The following NEGR1 variants were observed in gnomAD, a reference collection of about 807,000 sequenced individuals.
The protein encoded by NEGR1 is IgLON family member 4.
NEGR1 carries 10 observed loss-of-function variants against 40.9 expected under a neutral mutation model. The observed-to-expected ratio is 0.24, with a 90% CI of 0.15 to 0.42. The LOEUF (loss-of-function observed/expected upper bound fraction) is 0.42. Among genes scored for constraint, NEGR1 ranks in the 10% least tolerant of loss-of-function variants. The probability of loss-of-function intolerance (pLI) is 1.00; values close to 1 mark genes in which losing one functional copy is unlikely to be tolerated. For synonymous variants in NEGR1, 185 were observed against 166.8 expected, an observed-to-expected ratio of 1.11 and a Z score of -0.84; for missense variants, 352 against 438.9, an observed-to-expected ratio of 0.80 and a Z score of 1.77.
rs531230728 is a variant in NEGR1 at position 72,080,347 on chromosome 1, T to A, written c.177-145036A>T. Among the ~76,000 whole-genome samples, 46 of 152,220 alleles carry A rather than the reference T, an allele frequency of 3.0e-4. 1 individual carries two copies. The highest frequency in any genetic ancestry group is 1.1e-3 in the African/African-American group (46 of 41,570). ...TTTCTTACTGAGACAAAAGTCTCAT[T>A]CCAGAAATATATCTTCCAGATTTAT... On this transcript the variant is annotated intron_variant, in intron 1 of 6. Coordinates refer to ENST00000357731, the MANE Select transcript of NEGR1 (RefSeq NM_173808.3).
intron 6 of NEGR1, among the ~76,000 whole-genome samples, chr1:71,562,950 A>G (rs1648506483): frequency 6.6e-6 from 1 of 151,928 alleles, no homozygotes; most frequent in African/African-American, 2.4e-5. Flanking sequence ...AGCCTGTGCT[A>G]AGATGTGGTG....
At position 72,246,797 on chromosome 1, in the gene NEGR1, G is replaced by A. The variant is rs993458773; in HGVS notation, c.176+35522C>T. Among the ~76,000 whole-genome samples the A allele has an allele frequency of 1.3e-5, 2 of 152,188 alleles. 1 individual carries two copies. On this transcript the variant is annotated intron_variant, in intron 1 of 6. Coordinates refer to ENST00000357731, the MANE Select transcript of NEGR1 (RefSeq NM_173808.3). ...TTTCCCCTTGGCACTGCCCTAGTAC[G>A]CAGCCATCTATGAGGGCTCTGCCCT...
chr1:72,082,485 A>C (rs76659233), intron 1 of NEGR1, among the ~76,000 whole-genome samples: 2,334 of 152,236 alleles, frequency 0.015, 58 homozygotes, highest in African/African-American at 0.053. Flanking sequence ...TTTCTTCAAC[A>C]ACAATGCCAT....
At chr1:71,816,770 C>A (rs1658232417) in intron 2 of NEGR1, among the ~76,000 whole-genome samples, 1 of 151,956 alleles carries the variant, frequency 6.6e-6, no homozygotes, top group Admixed American at 6.6e-5. Context: ...CATCTGTGCC[C>A]ACACTCTCTG....
chr1:72,080,746 T>C (rs1216548691), intron 1 of NEGR1, among the ~76,000 whole-genome samples: 2 of 152,210 alleles, frequency 1.3e-5, no homozygotes, highest in East Asian at 3.9e-4. Context: ...CTCATAGGGT[T>C]GTTGGAAGCT....
chr1:72,202,301 A>G (rs912840822), intron 1 of NEGR1, among the ~76,000 whole-genome samples: 3 of 151,878 alleles, frequency 2.0e-5, no homozygotes, highest in African/African-American at 7.2e-5. Context: ...CTGAGACACA[A>G]CAATATTAAA....
chr1:71,739,105 A>G (rs1655127790), intron 3 of NEGR1, among the ~76,000 whole-genome samples: 1 of 149,794 alleles, frequency 6.7e-6, no homozygotes, highest in African/African-American at 2.5e-5. Context: ...GGAAATTAAC[A>G]TTTGAGTCAG....
intron 2 of NEGR1, among the ~76,000 whole-genome samples, chr1:71,932,839 T>C (rs896119062): frequency 1.1e-4 from 17 of 152,176 alleles, no homozygotes; most frequent in South Asian, 4.1e-4. Context: ...GGTGTACACA[T>C]CAGTTTACTT....
intron 6 of NEGR1, among the ~76,000 whole-genome samples, chr1:71,555,937 T>C (rs983094281): frequency 6.6e-6 from 1 of 151,520 alleles, no homozygotes; most frequent in Non-Finnish European, 1.5e-5. Context: ...TGTTTGGTAA[T>C]GCTATTACAT....
At chr1:72,178,996 G>C (rs1210059855) in intron 1 of NEGR1, among the ~76,000 whole-genome samples, 1 of 151,718 alleles carries the variant, frequency 6.6e-6, no homozygotes, top group Non-Finnish European at 1.5e-5. Flanking sequence ...CATTCTATAG[G>C]TTGTCTGTTT....
chr1:71,501,380 C>T (rs562632262), intron 6 of NEGR1, among the ~76,000 whole-genome samples: 2 of 152,038 alleles, frequency 1.3e-5, no homozygotes, highest in African/African-American at 4.8e-5. Flanking sequence ...AAGATAATTT[C>T]TAAATACAAT....
At chr1:72,068,846 T>C (rs995728412) in intron 1 of NEGR1, among the ~76,000 whole-genome samples, 4 of 152,134 alleles carry the variant, frequency 2.6e-5, no homozygotes, top group Admixed American at 2.6e-4. Flanking sequence ...AAGGATATAG[T>C]AGCAGCTAAA....
chr1:72,108,025 G>T (rs1649204442), intron 1 of NEGR1, among the ~76,000 whole-genome samples: 1 of 151,490 alleles, frequency 6.6e-6, no homozygotes, highest in Non-Finnish European at 1.5e-5. Context: ...GTTTTCTAAA[G>T]AGTATAATCT....
At chr1:71,698,175 G>A (rs536071086) in intron 3 of NEGR1, 36 bp from the exon 4 acceptor site, 32 of 1,583,280 alleles carry the variant, frequency 2.0e-5, no homozygotes, top group Admixed American at 1.1e-4. Flanking sequence ...AATTGTAGCC[G>A]CCTGAGGCTT....
chr1:72,155,963 A>T (rs1293931288), intron 1 of NEGR1, among the ~76,000 whole-genome samples: 1 of 152,110 alleles, frequency 6.6e-6, no homozygotes, highest in Non-Finnish European at 1.5e-5. Flanking sequence ...TTATCCAAGA[A>T]ACAGGGTGGT....
chr1:71,799,409 G>A (rs1333434880), intron 2 of NEGR1, among the ~76,000 whole-genome samples: 18 of 152,156 alleles, frequency 1.2e-4, no homozygotes, highest in Non-Finnish European at 1.5e-5. Context: ...ATTTCATGGT[G>A]TATACGTGCC....
At chr1:71,864,105 T>C (rs1660041403) in intron 2 of NEGR1, among the ~76,000 whole-genome samples, 1 of 152,190 alleles carries the variant, frequency 6.6e-6, no homozygotes, top group Non-Finnish European at 1.5e-5. Flanking sequence ...TTAGAGATGA[T>C]GGGAAGTACT....
chr1:72,143,914 A>AATATATATATATATAT (rs61582804), intron 1 of NEGR1, among the ~76,000 whole-genome samples: 10 of 130,612 alleles, frequency 7.7e-5, no homozygotes, highest in Admixed American at 2.4e-4. Flanking sequence ...TGATATATAT[A>AATATATATATATATAT]ATATATATAT....
intron 1 of NEGR1, among the ~76,000 whole-genome samples, chr1:72,240,939 A>AATTT (rs199762178): frequency 0.014 from 2,197 of 151,892 alleles, 22 homozygotes; most frequent in Admixed American, 0.037. Flanking sequence ...CAGTCTTTAA[A>AATTT]AGACACCTGC....
Sources: gnomAD v4.1 joint callset for allele counts (sites outside exome capture counted in the v4.1 genomes callset) on GRCh38, gnomAD v4.1.1 for gene constraint, MANE v1.5 for transcripts, NCBI Gene and HGNC (gene_info 2026-07-23, HGNC 2026-07-21) for gene names.